The following PCSK5 variants were observed in gnomAD, a reference collection of about 807,000 sequenced individuals.
The protein encoded by PCSK5 is prohormone convertase 5.
PCSK5 carries 129 observed loss-of-function variants against 233.2 expected under a neutral mutation model. The observed-to-expected ratio is 0.55, with a 90% confidence interval of 0.48 to 0.64. The LOEUF (loss-of-function observed/expected upper bound fraction) is 0.64, where lower values mean the gene tolerates loss of function less well. PCSK5 is among the 30% of genes least tolerant of loss of function. The probability of loss-of-function intolerance (pLI) is 0.00; values close to 1 mark genes in which losing one functional copy is unlikely to be tolerated. For synonymous variants in PCSK5, 825 were observed against 879.2 expected (o/e 0.94, Z 1.09); for missense variants, 2,076 against 2,430.1 (o/e 0.85, Z 3.06).
At chr9:76,233,775 TG>T (rs1826170206) in intron 22 of PCSK5, among the ~76,000 whole-genome samples, 179 bp downstream of exon 22, 6 of 152,238 alleles carry the variant, frequency 3.9e-5, no homozygotes, top group African/African-American at 1.4e-4. Context: ...ACAAAAAGCT[TG>T]TTCACCTTAT....
At chr9:76,259,597 A>T (rs1827100474) in intron 24 of PCSK5, among the ~76,000 whole-genome samples, 2 of 151,978 alleles carry the variant, frequency 1.3e-5, no homozygotes, top group Non-Finnish European at 2.9e-5. Context: ...CCCTCACTTA[A>T]AATGTAACTT....
At chr9:75,928,998 C>T (rs188359005) in intron 1 of PCSK5, among the ~76,000 whole-genome samples, 3 of 152,130 alleles carry the variant, frequency 2.0e-5, no homozygotes, top group East Asian at 3.9e-4. Context: ...TGCAGTGGCA[C>T]GATCTCGGCC....
At chr9:76,314,432 A>ACATAATAT (rs909018683) in intron 30 of PCSK5, among the ~76,000 whole-genome samples, 4 of 152,208 alleles carry the variant, frequency 2.6e-5, no homozygotes, top group Admixed American at 6.5e-5. Context: ...TCTGAGGAAC[A>ACATAATAT]CATAATATCC....
At chr9:76,203,726 T>G (rs768326911) in intron 20 of PCSK5, among the ~76,000 whole-genome samples, 1 of 152,116 alleles carries the variant, frequency 6.6e-6, no homozygotes, top group East Asian at 1.9e-4. Context: ...GCTACAAAGT[T>G]TATAGTAACT....
At chr9:76,087,818 G>A (rs1168645478) in intron 7 of PCSK5, among the ~76,000 whole-genome samples, 4 of 152,150 alleles carry the variant, frequency 2.6e-5, no homozygotes, top group Non-Finnish European at 4.4e-5. Context: ...ACCTGGTATG[G>A]GGCTGAAAAG....
chr9:75,944,676 T>C (rs1469809806), intron 2 of PCSK5, among the ~76,000 whole-genome samples: 1 of 152,176 alleles, frequency 6.6e-6, no homozygotes, highest in Admixed American at 6.5e-5. Context: ...CAGTCAGCTC[T>C]GTTCTTTTCC....
intron 24 of PCSK5, among the ~76,000 whole-genome samples, chr9:76,289,126 C>T (rs561706157): frequency 1.3e-5 from 2 of 152,148 alleles, no homozygotes; most frequent in East Asian, 1.9e-4. Flanking sequence ...CTTTGTAGTC[C>T]GGCCCACCCC....
Position 76,076,764 on chromosome 9 carries a change from G to A in PCSK5, c.894+4866G>A, listed in dbSNP as rs112923556. On this transcript the variant is annotated intron_variant, in intron 7 of 37. Transcript: ENST00000674117. ...ATTGATTCAATTTATAGCCCTTTTA[G>A]AATTAATGTGGCAAAATTACATTAG... 7.5e-3 allele frequency among the ~76,000 whole-genome samples: 1,145 copies of A among 152,242 alleles called. 15 individuals carry two copies. Among genetic ancestry groups the A allele is most frequent in the African/African-American group, 0.024 (995 of 41,528 alleles).
At chr9:76,157,645 A>G (rs1207808451) in intron 11 of PCSK5, among the ~76,000 whole-genome samples, 1 of 151,932 alleles carries the variant, frequency 6.6e-6, no homozygotes, top group Non-Finnish European at 1.5e-5. Flanking sequence ...ATTCTATCTT[A>G]GTAGGCTTAT....
rs774726717 is a variant in PCSK5, at chr9:76,026,996, C to T, written c.591C>T (p.Asp197=). 83 of 1,609,664 alleles carry T rather than the reference C, an allele frequency of 5.2e-5. 1 individual carries two copies. In the Admixed American group the frequency reaches 1.4e-3, roughly 27 times the overall value. The change falls in exon 5 of 38, where the codon GAC becomes GAT. Residue 197 remains aspartate (D), a synonymous_variant. Coordinates refer to ENST00000674117, the MANE Select transcript of PCSK5 (RefSeq NM_001372043.1). ...CAAGTTGCGACGTGAATGGGAATGA[C>T]TTGGACCCAATGCCTCGTTATGATG... ...ALASCDVNGN[D]LDPMPRYDAS...
chr9:76,015,057 G>A (rs1474126951), intron 3 of PCSK5, among the ~76,000 whole-genome samples: 1 of 152,156 alleles, frequency 6.6e-6, no homozygotes. Context: ...TCTGCAAGAT[G>A]GAAGCCTAGG....
intron 24 of PCSK5, among the ~76,000 whole-genome samples, chr9:76,259,868 C>A (rs1480291168): frequency 2.0e-5 from 3 of 152,130 alleles, no homozygotes; most frequent in Non-Finnish European, 4.4e-5. Context: ...ATGGGTCTCC[C>A]TCCCTCATCT....
chr9:76,336,499 T>C (rs896519954), intron 34 of PCSK5, among the ~76,000 whole-genome samples: 2 of 152,344 alleles, frequency 1.3e-5, no homozygotes, highest in Admixed American at 6.5e-5. Flanking sequence ...AACCTTTGTT[T>C]GCCTTCAATT....
At chr9:76,173,596 A>C (rs1436640631) in intron 13 of PCSK5, among the ~76,000 whole-genome samples, 1 of 148,762 alleles carries the variant, frequency 6.7e-6, no homozygotes. Context: ...GAACTAAACT[A>C]AAGCAAAATG....
At chr9:75,980,793 T>G (rs984026666) in intron 2 of PCSK5, among the ~76,000 whole-genome samples, 1 of 151,744 alleles carries the variant, frequency 6.6e-6, no homozygotes, top group Admixed American at 6.6e-5. Context: ...TTGATCAGAG[T>G]TTTTAGAAAA....
intron 20 of PCSK5, among the ~76,000 whole-genome samples, chr9:76,191,527 G>T (rs181038260): frequency 3.9e-5 from 6 of 152,290 alleles, no homozygotes; most frequent in Admixed American, 1.3e-4. Context: ...AAAGAACGGG[G>T]CACATGATTG....
intron 24 of PCSK5, among the ~76,000 whole-genome samples, chr9:76,246,910 G>A (rs143179159): frequency 1.7e-4 from 26 of 152,342 alleles, no homozygotes; most frequent in East Asian, 5.8e-4. Context: ...GCGGCAGGCC[G>A]CTTCCAAAAT....
intron 24 of PCSK5, among the ~76,000 whole-genome samples, chr9:76,255,441 T>C (rs2131350864): frequency 6.6e-6 from 1 of 152,348 alleles, no homozygotes; most frequent in Admixed American, 6.5e-5. Context: ...CAGAGGCAGA[T>C]ACATTATATT....
At chr9:75,961,997 T>G (rs1825374598) in intron 2 of PCSK5, among the ~76,000 whole-genome samples, 1 of 152,212 alleles carries the variant, frequency 6.6e-6, no homozygotes, top group East Asian at 1.9e-4. Context: ...GCTGTGAGGT[T>G]ACTGCCCAGG....
Sources: allele counts gnomAD v4.1 joint callset (sites outside exome capture counted in the v4.1 genomes callset), GRCh38; gene constraint gnomAD v4.1.1; transcripts MANE v1.5; gene names NCBI Gene and HGNC (gene_info 2026-07-23, HGNC 2026-07-21).